PFKL: variants seen among roughly 807,000 people sequenced by gnomAD.
PFKL encodes the protein ATP-dependent 6-phosphofructokinase, liver type.
PFKL carries 74 observed loss-of-function variants against 92.1 expected under a neutral mutation model. That is an observed-to-expected ratio of 0.80 (90% CI 0.67 to 0.97). PFKL has a LOEUF of 0.97. Among genes scored for constraint, PFKL ranks in the 50% least tolerant of loss-of-function variants. The probability of loss-of-function intolerance (pLI) is 0.00; values close to 1 mark genes in which losing one functional copy is unlikely to be tolerated. For synonymous variants in PFKL, 494 were observed against 456.4 expected (o/e 1.08, Z -1.05); for missense variants, 1,028 against 1,116.6 (o/e 0.92, Z 1.13).
rs965040610 is a variant in PFKL at position 44,311,198 on chromosome 21, A to T, written c.237+115A>T. Reference sequence around the variant, plus strand: ...GACAGACACGTGCACAAACACACACATGCAGACACACAGACATGCACACAG... The same window carrying T: ...GACAGACACGTGCACAAACACACACTTGCAGACACACAGACATGCACACAG... On this transcript the variant is annotated intron_variant, in intron 3 of 21. Transcript: ENST00000349048. The T allele has an allele frequency of 1.9e-5, 14 of 731,710 alleles. No homozygotes were observed. The African/African-American group carries it at 2.5e-4, about 13-fold the overall frequency. The allele number at this position is 731,710 out of a possible 1,614,324, so 45.3% of individuals were successfully genotyped here.
intron 1 of PFKL, among the ~76,000 whole-genome samples, chr21:44,303,301 C>T (rs1217251297): frequency 6.6e-6 from 1 of 151,276 alleles, no homozygotes; most frequent in East Asian, 1.9e-4. Context: ...GTCCCAGCTA[C>T]TCGGGAGGCA....
At chr21:44,313,586 T>C (rs2047117264) in intron 5 of PFKL, 52 bp from the exon 6 acceptor site, 1 of 1,573,820 alleles carries the variant, frequency 6.4e-7, no homozygotes, top group Non-Finnish European at 8.7e-7. Context: ...GGAATCGGGC[T>C]GGCAGGGCCG....
chr21:44,305,484 C>A, intron 1 of PFKL: 2 of 1,265,932 alleles, frequency 1.6e-6, no homozygotes, highest in Non-Finnish European at 2.1e-6. Flanking sequence ...GGGCACGAGG[C>A]TTGGGGACAG....
Position 44,322,967 on chromosome 21 carries a change from TGCCCAAG to T in PFKL, c.1417_1423del (p.Pro473AlafsTer71), listed in dbSNP as rs1314184109. ...GGATGTGTCTTTGACTGCAGGACCC[TGCCCAAG>T]GGCCAGCTGGAGTCCATTGTGGAGA... On this transcript the variant is annotated frameshift_variant, in exon 15 of 22. Transcript: ENST00000349048. LOFTEE classifies it high-confidence loss of function. 1.2e-6 allele frequency: 2 copies of T among 1,611,106 alleles called. No individual in the cohort carries two copies. The highest frequency in any genetic ancestry group is 1.7e-6 in the Non-Finnish European group (2 of 1,178,310).
intron 12 of PFKL, 120 bp from the exon 13 acceptor site, chr21:44,321,609 C>T: frequency 1.0e-6 from 1 of 999,402 alleles, no homozygotes; most frequent in Non-Finnish European, 1.4e-6. Flanking sequence ...TGGGCAGCGT[C>T]CAGGCTGCTG....
chr21:44,321,715 C>T lies in PFKL; in HGVS notation c.1192-14C>T. ...CCGGCTGTGCCTCACGCTCATCTCC[C>T]CTTCTCTCTGAAGTCTAACTTCTCC... On this transcript the variant is annotated splice_polypyrimidine_tract_variant and intron_variant, in intron 12 of 21. Coordinates refer to ENST00000349048, the MANE Select transcript of PFKL (RefSeq NM_002626.6). 1.3e-6 allele frequency: 2 copies of T among 1,544,928 alleles called. No homozygotes were observed. The highest frequency in any genetic ancestry group is 1.7e-6 in the Non-Finnish European group (2 of 1,145,138).
In PFKL at chr21:44,326,935, G is replaced by GC; in HGVS notation, c.*73_*74insC. 1 of 1,412,662 alleles carries GC rather than the reference G, an allele frequency of 7.1e-7. No homozygotes were observed. Among genetic ancestry groups the GC allele is most frequent in the Non-Finnish European group, 9.8e-7 (1 of 1,023,598 alleles). 87.5% of individuals were successfully genotyped at this position (1,412,662 alleles called of 1,614,324 possible). A position where few individuals can be genotyped will look rare whatever the true frequency, so the allele number is the denominator to read the frequency against. ...AGCGCCAGGGCTCAGATGGGGCCTGGGCTGTTGTGTCTGGAGCCTGCAGGC... is the reference window on the plus strand; with the variant it reads ...AGCGCCAGGGCTCAGATGGGGCCTGGCGCTGTTGTGTCTGGAGCCTGCAGGC... On this transcript the variant is annotated 3_prime_UTR_variant, in exon 22 of 22. Transcript: ENST00000349048.
At chr21:44,313,815 C>T (rs911703869) in intron 6 of PFKL, 98 bp from the exon 7 acceptor site, 47 of 1,325,386 alleles carry the variant, frequency 3.5e-5, no homozygotes, top group Non-Finnish European at 4.2e-5. Context: ...CCGGGAGAGA[C>T]AGAGAAGCTG....
rs55966702 is a variant in PFKL at position 44,306,621 on chromosome 21, A to T, written c.86-60A>T. 1.4e-5 allele frequency: 20 copies of T among 1,401,776 alleles called. No homozygotes were observed. The African/African-American group carries it at 1.8e-4, about 13-fold the overall frequency. 86.8% of individuals were successfully genotyped at this position (1,401,776 alleles called of 1,614,324 possible). On this transcript the variant is annotated intron_variant, in intron 1 of 21. Coordinates refer to ENST00000349048, the MANE Select transcript of PFKL (RefSeq NM_002626.6). ...CTACCCCCTGTCCTCTGAGATGGGG[A>T]GGGTGTCCAGGGCCTTGCTTCTCAG...
At position 44,300,088 on chromosome 21, in the gene PFKL, C is replaced by G. The variant is rs1205936609; in HGVS notation, c.-18C>G. The G allele has an allele frequency of 3.6e-6, 4 of 1,115,734 alleles. No individual in the cohort carries two copies. Among genetic ancestry groups the G allele is most frequent in the Non-Finnish European group, 1.1e-6 (1 of 903,604 alleles). 69.1% of individuals were successfully genotyped at this position (1,115,734 alleles called of 1,614,324 possible). A position where few individuals can be genotyped will look rare whatever the true frequency, so the allele number is the denominator to read the frequency against. On this transcript the variant is annotated 5_prime_UTR_variant, in exon 1 of 22. Transcript: ENST00000349048. ...AGGCGGCGGGAGTGCGAGCTGGGCCCGTGTTTCGGCCGCCGCCATGGCCGC... is the reference window on the plus strand; with the variant it reads ...AGGCGGCGGGAGTGCGAGCTGGGCCGGTGTTTCGGCCGCCGCCATGGCCGC...
Position 44,324,911 on chromosome 21 carries a change from T to C in PFKL, c.1871T>C (p.Val624Ala). 1 of 1,606,032 alleles carries C rather than the reference T, an allele frequency of 6.2e-7. No individual in the cohort carries two copies. The highest frequency in any genetic ancestry group is 8.5e-7 in the Non-Finnish European group (1 of 1,176,612). ...AAGACAGACATTCAGAGGGGCCTGG[T>C]GCTGCGGTGAGGCTGCCGTGGGTCC... Reference protein sequence around the residue: ...KMKTDIQRGLVLRNEKCHDYY... With the variant: ...KMKTDIQRGLALRNEKCHDYY... Residue 624 changes from valine (V) to alanine (A), a missense_variant, in exon 18 of 22, where the codon GTG becomes GCG. Val to Ala is a moderately conservative substitution (Grantham distance 64). Coordinates refer to ENST00000349048, the MANE Select transcript of PFKL (RefSeq NM_002626.6).
chr21:44,310,922 G>A, intron 2 of PFKL, 84 bp from the exon 3 acceptor site: 1 of 915,002 alleles, frequency 1.1e-6, no homozygotes. Context: ...TTCTGCTGGT[G>A]GGGTGAAAAT....
rs144202207 is a variant in PFKL at position 44,317,910 on chromosome 21, G to C, written c.937-560G>C. Among the ~76,000 whole-genome samples, 1,304 of 152,362 alleles carry C rather than the reference G, an allele frequency of 8.6e-3. 15 individuals carry two copies. The highest frequency in any genetic ancestry group is 0.011 in the Non-Finnish European group (735 of 68,030). ...GTGGCCCCGGGGGTCCAGCTGCTGG[G>C]CTTCTACAGGGCTGGCCACTGGTGG... On this transcript the variant is annotated intron_variant, in intron 9 of 21. Coordinates refer to ENST00000349048, the MANE Select transcript of PFKL (RefSeq NM_002626.6).
intron 1 of PFKL, among the ~76,000 whole-genome samples, chr21:44,303,955 A>T (rs1225540402): frequency 6.6e-6 from 1 of 152,080 alleles, no homozygotes; most frequent in Non-Finnish European, 1.5e-5. Context: ...AGGGCCATTA[A>T]AAAGGTCTTT....
At chr21:44,303,433 CAA>C (rs766852746) in intron 1 of PFKL, among the ~76,000 whole-genome samples, 9 of 36,808 alleles carry the variant, frequency 2.4e-4, no homozygotes, top group Admixed American at 2.8e-4. Flanking sequence ...CAGACTTGAC[CAA>C]AAAAAAAAAA....
chr21:44,316,086 G>C, intron 7 of PFKL, 158 bp from the exon 8 acceptor site: 1 of 666,396 alleles, frequency 1.5e-6, no homozygotes, highest in Non-Finnish European at 2.7e-6. Context: ...CTCTGCCCTC[G>C]CGCTCCAGGC....
At chr21:44,307,835 C>T (rs542452255) in intron 2 of PFKL, among the ~76,000 whole-genome samples, 31 of 152,332 alleles carry the variant, frequency 2.0e-4, no homozygotes, top group Admixed American at 2.0e-3. Context: ...CCTCCTGCCA[C>T]CTGCTCGACC....
intron 1 of PFKL, chr21:44,305,251 C>T: frequency 7.6e-7 from 1 of 1,316,448 alleles, no homozygotes; most frequent in Non-Finnish European, 1.0e-6. Context: ...CCTGGGGTTT[C>T]TCAAGGCGTG....
At position 44,312,895 on chromosome 21, in the gene PFKL, A is replaced by C. The variant is rs113316010; in HGVS notation, c.428-83A>C. On this transcript the variant is annotated intron_variant, in intron 4 of 21. Coordinates refer to ENST00000349048, the MANE Select transcript of PFKL (RefSeq NM_002626.6). Reference sequence around the variant, plus strand: ...GGGCTGCACGCCTGGGATGCGGGGGAAGGGGTGGCAGGAGAGGGGTCTCTG... The same window carrying C: ...GGGCTGCACGCCTGGGATGCGGGGGCAGGGGTGGCAGGAGAGGGGTCTCTG... 1.7e-3 allele frequency: 2,396 copies of C among 1,443,774 alleles called. 36 individuals are homozygous for C. In the African/African-American group the frequency reaches 0.028, roughly 17 times the overall value. 89.4% of individuals were successfully genotyped at this position (1,443,774 alleles called of 1,614,324 possible).
Sources: allele counts gnomAD v4.1 joint callset (sites outside exome capture counted in the v4.1 genomes callset), GRCh38; gene constraint gnomAD v4.1.1; transcripts MANE v1.5; gene names NCBI Gene and HGNC (gene_info 2026-07-23, HGNC 2026-07-21).